PLXNA4: variants seen among roughly 807,000 people sequenced by gnomAD.
PLXNA4 encodes plexin A4.
PLXNA4 carries 44 observed loss-of-function variants against 191.8 expected under a neutral mutation model. The observed-to-expected ratio is 0.23, with a 90% CI of 0.18 to 0.29. The LOEUF (loss-of-function observed/expected upper bound fraction) is 0.29, where lower values mean the gene tolerates loss of function less well. Ranked by LOEUF, PLXNA4 falls within the 10% of genes least tolerant of loss-of-function variation. The pLI is 1.00. For synonymous variants in PLXNA4, 1,082 were observed against 1,009.5 expected, an observed-to-expected ratio of 1.07 and a Z score of -1.36; for missense variants, 1,800 against 2,488.8, an observed-to-expected ratio of 0.72 and a Z score of 5.89.
chr7:132,235,172 G>A (rs985284452), intron 5 of PLXNA4, among the ~76,000 whole-genome samples: 2 of 152,200 alleles, frequency 1.3e-5, no homozygotes, highest in African/African-American at 4.8e-5. Context: ...GGACCAGGAG[G>A]AGGCACTGGG....
chr7:132,132,466 TG>T (rs1563048318), intron 31 of PLXNA4, among the ~76,000 whole-genome samples: 3,676 of 40,728 alleles, frequency 0.09, 285 homozygotes, highest in Admixed American at 0.14. Context: ...TGTTCTGTTC[TG>T]CTCTGCTCTG....
chr7:132,221,347 G>C (rs1026682468), intron 9 of PLXNA4, among the ~76,000 whole-genome samples: 3 of 152,126 alleles, frequency 2.0e-5, no homozygotes, highest in African/African-American at 7.2e-5. Flanking sequence ...TTTACTCTTG[G>C]GCCTCTCCGC....
upstream of PLXNA4, among the ~76,000 whole-genome samples, chr7:132,580,901 A>C (rs999333106): frequency 2.0e-5 from 3 of 152,160 alleles, no homozygotes; most frequent in Non-Finnish European, 4.4e-5. Flanking sequence ...TTGTGGCGCC[A>C]CCTGCAGGAC....
intron 2 of PLXNA4, among the ~76,000 whole-genome samples, chr7:132,588,171 C>G (rs966923662): frequency 6.6e-6 from 1 of 152,134 alleles, no homozygotes; most frequent in African/African-American, 2.4e-5. Context: ...GTAGTGTCAT[C>G]TCATCCTATG....
At chr7:132,332,802 G>A (rs779993534) in intron 3 of PLXNA4, among the ~76,000 whole-genome samples, 1 of 151,564 alleles carries the variant, frequency 6.6e-6, no homozygotes, top group Non-Finnish European at 1.5e-5. Flanking sequence ...GGAGGCTGCA[G>A]TGAGCTGTGA....
chr7:132,642,076 A>T (rs1381661043), intron 2 of PLXNA4, among the ~76,000 whole-genome samples: 1 of 152,220 alleles, frequency 6.6e-6, no homozygotes, highest in African/African-American at 2.4e-5. Flanking sequence ...TCTATATAAT[A>T]TATAAGCAAA....
chr7:132,497,394 C>T (rs962946010), intron 2 of PLXNA4, among the ~76,000 whole-genome samples: 4 of 152,156 alleles, frequency 2.6e-5, no homozygotes, highest in Non-Finnish European at 5.9e-5. Flanking sequence ...AATGCATCCA[C>T]CCCTTGAGAT....
chr7:132,615,927 A>ATCTCTCTCTCTCTCTCTCTCTCTCTC lies in PLXNA4; in HGVS notation c.-87+29975_-87+30000dup, dbSNP rs370549958. Among the ~76,000 whole-genome samples, 173 of 83,746 alleles carry ATCTCTCTCTCTCTCTCTCTCTCTCTC rather than the reference A, an allele frequency of 2.1e-3. 12 individuals carry two copies. The highest frequency in any genetic ancestry group is 2.6e-3 in the Non-Finnish European group (97 of 37,798). 54.9% of individuals were successfully genotyped at this position (83,746 alleles called of 152,430 possible). ...TAACACACTTTTTGACAGATAAAGG[A>ATCTCTCTCTCTCTCTCTCTCTCTCTC]TCTCTCTCTCTCTCTCTCTCTCTCT... is the stretch of plus-strand genomic sequence containing the variant. On this transcript the variant is annotated intron_variant, in intron 2 of 4. Transcript: ENST00000378539.
At chr7:132,206,015 C>A (rs540706318) in intron 10 of PLXNA4, among the ~76,000 whole-genome samples, 2 of 150,270 alleles carry the variant, frequency 1.3e-5, no homozygotes, top group South Asian at 4.3e-4. Context: ...TAGCACACAT[C>A]TCCATGTTAT....
At chr7:132,357,606 G>A (rs1344166326) in intron 3 of PLXNA4, among the ~76,000 whole-genome samples, 5 of 152,144 alleles carry the variant, frequency 3.3e-5, no homozygotes, top group South Asian at 2.1e-4. Flanking sequence ...GATAGGATCC[G>A]CTGGAGCCTC....
At chr7:132,220,129 C>T (rs1413173240) in intron 9 of PLXNA4, among the ~76,000 whole-genome samples, 2 of 152,088 alleles carry the variant, frequency 1.3e-5, no homozygotes, top group African/African-American at 4.8e-5. Flanking sequence ...TAAAAAAATC[C>T]TCATATTTAC....
chr7:132,302,054 G>T (rs1260606893), intron 3 of PLXNA4, among the ~76,000 whole-genome samples: 1 of 152,174 alleles, frequency 6.6e-6, no homozygotes. Flanking sequence ...CTTTGACAAG[G>T]TTCCACATGA....
At chr7:132,503,903 G>T (rs1225504639) in intron 2 of PLXNA4, among the ~76,000 whole-genome samples, 2 of 152,170 alleles carry the variant, frequency 1.3e-5, no homozygotes, top group African/African-American at 4.8e-5. Context: ...TTCCACCCAG[G>T]CTGGAGAAAG....
chr7:132,144,045 G>A (rs1007541813), intron 29 of PLXNA4, among the ~76,000 whole-genome samples: 2 of 152,170 alleles, frequency 1.3e-5, no homozygotes, highest in Non-Finnish European at 2.9e-5. Flanking sequence ...GCATTGCTTT[G>A]GGGCCCAGGG....
chr7:132,192,204 A>C (rs1797113519), intron 14 of PLXNA4, among the ~76,000 whole-genome samples: 1 of 152,152 alleles, frequency 6.6e-6, no homozygotes, highest in Admixed American at 6.5e-5. Flanking sequence ...ACTTGAGCTC[A>C]GTTGCTTTCA....
intron 3 of PLXNA4, among the ~76,000 whole-genome samples, chr7:132,477,060 A>G (rs1361454814): frequency 6.6e-6 from 1 of 152,194 alleles, no homozygotes; most frequent in East Asian, 1.9e-4. Flanking sequence ...TTTTTTGCAC[A>G]TCTTCTCCAA....
intron 3 of PLXNA4, among the ~76,000 whole-genome samples, chr7:132,303,248 ATT>A (rs201091759): frequency 0.037 from 4,858 of 129,752 alleles, 204 homozygotes; most frequent in African/African-American, 0.11. Context: ...ACAGAAGTTG[ATT>A]TTTTTTTTTT....
chr7:132,381,610 T>A (rs1055549031), intron 3 of PLXNA4, among the ~76,000 whole-genome samples: 1 of 152,248 alleles, frequency 6.6e-6, no homozygotes, highest in African/African-American at 2.4e-5. Context: ...TCTGGAAACA[T>A]CTGGCATGGA....
intron 2 of PLXNA4, among the ~76,000 whole-genome samples, chr7:132,597,176 T>G (rs148090516): frequency 1.3e-5 from 2 of 152,304 alleles, no homozygotes; most frequent in East Asian, 3.9e-4. Flanking sequence ...TGCCTTTCCT[T>G]GCATTCCCAT....
Sources: gnomAD v4.1 joint callset for allele counts (sites outside exome capture counted in the v4.1 genomes callset) on GRCh38, gnomAD v4.1.1 for gene constraint, MANE v1.5 for transcripts, NCBI Gene and HGNC (gene_info 2026-07-23, HGNC 2026-07-21) for gene names.